NLGN4X: variants seen among roughly 807,000 people sequenced by gnomAD.
NLGN4X encodes the protein neuroligin-4, X-linked.
In NLGN4X, 3 loss-of-function variants were observed where a neutral mutation model predicts 40.3. The ratio of observed to expected loss-of-function variants is 0.07; its 90% CI spans 0.03 to 0.19. NLGN4X has a LOEUF of 0.19. NLGN4X is among the 10% of genes least tolerant of loss of function. NLGN4X has a pLI of 1.00. For missense variants in NLGN4X, 382 were observed against 708.3 expected, an observed-to-expected ratio of 0.54 and a Z score of 5.23; for synonymous variants, 270 against 306.8, an observed-to-expected ratio of 0.88 and a Z score of 1.25.
chrX:6,119,005 G>C (rs1016207086), intron 2 of NLGN4X, among the ~76,000 whole-genome samples: 1 of 111,994 alleles, frequency 8.9e-6, no homozygotes, highest in Non-Finnish European at 1.9e-5. Flanking sequence ...AATAATAACT[G>C]TGTGGGTCCA....
At chrX:6,123,307 G>A (rs775706698) in intron 2 of NLGN4X, among the ~76,000 whole-genome samples, 15 of 111,626 alleles carry the variant, frequency 1.3e-4, no homozygotes, top group Non-Finnish European at 2.8e-4. Flanking sequence ...AAAATGCAGT[G>A]GCTTCTCACC....
chrX:5,968,939 T>A (rs1303260350), intron 3 of NLGN4X, among the ~76,000 whole-genome samples: 1 of 111,543 alleles, frequency 9.0e-6, no homozygotes, highest in Non-Finnish European at 1.9e-5. Flanking sequence ...TTCAATTCCT[T>A]TCCAGATAAC....
intron 2 of NLGN4X, among the ~76,000 whole-genome samples, chrX:6,116,391 CT>C (rs1157468420): frequency 9.0e-4 from 20 of 22,279 alleles, no homozygotes; most frequent in East Asian, 1.5e-3. Flanking sequence ...ACCTTTCTTT[CT>C]TTTTTTTTTT....
At chrX:6,057,156 TC>T (rs1444646292) in intron 2 of NLGN4X, among the ~76,000 whole-genome samples, 2 of 112,209 alleles carry the variant, frequency 1.8e-5, no homozygotes, top group African/African-American at 6.5e-5. Context: ...CATTTTGTGA[TC>T]ATCAATCATT....
At position 6,156,504 on chromosome X, in the gene NLGN4X, G is replaced by A. The variant is rs191256215; in HGVS notation, c.-305-4733C>T. On this transcript the variant is annotated intron_variant, in intron 1 of 5. Transcript: ENST00000381095. ...AGCCTGGGCAACAGAGCGAGACTCC[G>A]TCTCAAAAAAACAAAACAAACAAAC... 2.5e-3 allele frequency among the ~76,000 whole-genome samples: 284 copies of A among 111,671 alleles called. 4 individuals are homozygous for A. Among genetic ancestry groups the A allele is most frequent in the African/African-American group, 8.6e-3 (265 of 30,751 alleles).
At chrX:6,129,640 T>C (rs1180816402) in intron 2 of NLGN4X, among the ~76,000 whole-genome samples, 2 of 111,210 alleles carry the variant, frequency 1.8e-5, no homozygotes, top group African/African-American at 6.5e-5. Context: ...TCCTTTCCAT[T>C]ATGTGACAAT....
intron 2 of NLGN4X, among the ~76,000 whole-genome samples, chrX:6,064,437 G>A (rs1045085193): frequency 7.2e-5 from 8 of 111,350 alleles, no homozygotes; most frequent in Non-Finnish European, 1.3e-4. Flanking sequence ...TTTCCTCCCC[G>A]CCCGCTGGGA....
intron 2 of NLGN4X, among the ~76,000 whole-genome samples, chrX:6,092,007 T>TCCTC (rs780853909): frequency 3.8e-5 from 4 of 105,988 alleles, no homozygotes; most frequent in Non-Finnish European, 7.8e-5. Flanking sequence ...CTTCCCCCCT[T>TCCTC]CCTCCCTCCC....
At chrX:6,094,447 GT>G (rs771131405) in intron 2 of NLGN4X, among the ~76,000 whole-genome samples, 24 of 110,464 alleles carry the variant, frequency 2.2e-4, no homozygotes, top group South Asian at 3.9e-4. Flanking sequence ...TCTCTATTCT[GT>G]CCCACTGTTA....
At chrX:5,984,508 C>A (rs968137087) in intron 3 of NLGN4X, among the ~76,000 whole-genome samples, 1 of 111,147 alleles carries the variant, frequency 9.0e-6, no homozygotes, top group African/African-American at 3.3e-5. Flanking sequence ...GAAGAAACCA[C>A]GATTGCAAAT....
intron 1 of NLGN4X, among the ~76,000 whole-genome samples, chrX:6,175,992 A>C (rs1158088492): frequency 1.8e-5 from 2 of 111,137 alleles, no homozygotes; most frequent in African/African-American, 6.6e-5. Context: ...TTTTTCATTA[A>C]AATTTTAGGG....
intron 2 of NLGN4X, among the ~76,000 whole-genome samples, chrX:6,128,431 G>A (rs1400400837): frequency 1.8e-5 from 2 of 112,028 alleles, no homozygotes; most frequent in Non-Finnish European, 3.8e-5. Context: ...AATACACTCT[G>A]AATATTCCTC....
Position 6,151,786 on chromosome X carries a change from A to C in NLGN4X, c.-305-15T>G. 3.1e-6 allele frequency: 1 copy of C among 324,736 alleles called. No individual in the cohort carries two copies. Among genetic ancestry groups the C allele is most frequent in the Non-Finnish European group, 5.5e-6 (1 of 182,391 alleles). 26.8% of individuals were successfully genotyped at this position (324,736 alleles called of 1,213,427 possible). ...TCCAAGGCAGCCTAAAAGAGGAAGA[A>C]AGCAGACAAGAATAATGAAGCCACA... On this transcript the variant is annotated splice_polypyrimidine_tract_variant and intron_variant, in intron 1 of 5. Transcript: ENST00000381095.
intron 2 of NLGN4X, among the ~76,000 whole-genome samples, chrX:6,081,689 C>T (rs1602193445): frequency 8.9e-6 from 1 of 112,173 alleles, no homozygotes; most frequent in Non-Finnish European, 1.9e-5. Flanking sequence ...CTCTAAGATA[C>T]CTAGCCTGCA....
In NLGN4X at chrX:5,891,424, C is replaced by T. The variant is rs758366733; in HGVS notation, c.*1393G>A. On this transcript the variant is annotated 3_prime_UTR_variant, in exon 6 of 6. Coordinates refer to ENST00000381095, the MANE Select transcript of NLGN4X (RefSeq NM_181332.3). ...AAATGATATAAAAGATTTTTAAAAA[C>T]CTGCTTACTGATAAATAAGGGACCG... 1.3e-5 allele frequency: 3 copies of T among 227,041 alleles called. No homozygotes were observed. Among genetic ancestry groups the T allele is most frequent in the Non-Finnish European group, 2.4e-5 (3 of 125,374 alleles). 18.7% of individuals were successfully genotyped at this position (227,041 alleles called of 1,213,427 possible). A position where few individuals can be genotyped will look rare whatever the true frequency, so the allele number is the denominator to read the frequency against.
chrX:5,981,149 A>T (rs1020293440), intron 3 of NLGN4X, among the ~76,000 whole-genome samples: 1 of 110,915 alleles, frequency 9.0e-6, no homozygotes, highest in African/African-American at 3.3e-5. Context: ...TCTATAGTTG[A>T]TATATGCATC....
At chrX:6,085,496 T>C (rs911200744) in intron 2 of NLGN4X, among the ~76,000 whole-genome samples, 12 of 111,800 alleles carry the variant, frequency 1.1e-4, no homozygotes, top group Admixed American at 1.0e-3. Flanking sequence ...TTTTTTTGAG[T>C]CCTTCCAGTC....
chrX:6,160,403 A>T (rs1347497014), intron 1 of NLGN4X, among the ~76,000 whole-genome samples: 1 of 111,827 alleles, frequency 8.9e-6, no homozygotes, highest in East Asian at 2.8e-4. Context: ...GTATTTACTG[A>T]CTTTTTCCCA....
chrX:6,118,942 T>C (rs187897731), intron 2 of NLGN4X, among the ~76,000 whole-genome samples: 144 of 111,727 alleles, frequency 1.3e-3, no homozygotes, highest in African/African-American at 3.8e-3. Flanking sequence ...TCCATCCTCA[T>C]AGGAAACTCT....
Sources: allele counts gnomAD v4.1 joint callset (sites outside exome capture counted in the v4.1 genomes callset), GRCh38; gene constraint gnomAD v4.1.1; transcripts MANE v1.5; gene names NCBI Gene and HGNC (gene_info 2026-07-23, HGNC 2026-07-21).